The following RALGAPA1 variants were observed in gnomAD, a reference collection of about 807,000 sequenced individuals.
RALGAPA1 encodes ral GTPase-activating protein subunit alpha-1.
Under a neutral mutation model 269.6 loss-of-function variants are expected in RALGAPA1, and 52 were observed. The ratio of observed to expected loss-of-function variants is 0.19; its 90% CI spans 0.15 to 0.24. RALGAPA1 has a LOEUF of 0.24. RALGAPA1 is among the 10% of genes least tolerant of loss of function. RALGAPA1 has a pLI of 1.00. For missense variants in RALGAPA1, 1,917 were observed against 3,013.9 expected, an observed-to-expected ratio of 0.64 and a Z score of 8.52; for synonymous variants, 817 against 1,008.3, an observed-to-expected ratio of 0.81 and a Z score of 3.60.
intron 33 of RALGAPA1, among the ~76,000 whole-genome samples, chr14:35,632,392 A>AGACATTTGTTTAATTTGTTTAATTTG (rs2061410730): frequency 6.6e-6 from 1 of 152,182 alleles, no homozygotes; most frequent in South Asian, 2.1e-4. Flanking sequence ...GTCTCTTCAG[A>AGACATTTGTTTAATTTGTTTAATTTG]TTGTCAGATT....
intron 1 of RALGAPA1, among the ~76,000 whole-genome samples, chr14:35,801,244 G>GACACACACACACACAC (rs201700521): frequency 7.4e-6 from 1 of 135,016 alleles, no homozygotes; most frequent in African/African-American, 2.6e-5. Flanking sequence ...TATATACACA[G>GACACACACACACACAC]ACACACACAC....
intron 16 of RALGAPA1, among the ~76,000 whole-genome samples, chr14:35,713,833 C>T (rs946524980): frequency 1.3e-5 from 2 of 152,090 alleles, no homozygotes; most frequent in South Asian, 2.1e-4. Context: ...CGGTGGCTCA[C>T]GCTTATAATC....
intron 19 of RALGAPA1, among the ~76,000 whole-genome samples, chr14:35,685,375 T>TA (rs1216943465): frequency 2.6e-5 from 4 of 152,072 alleles, no homozygotes; most frequent in Non-Finnish European, 5.9e-5. Context: ...CTGTGACTCT[T>TA]AAGCCTCAGC....
intron 39 of RALGAPA1, among the ~76,000 whole-genome samples, chr14:35,550,667 G>A (rs2054913363): frequency 6.6e-6 from 1 of 152,140 alleles, no homozygotes; most frequent in Admixed American, 6.5e-5. Flanking sequence ...GACTTTGATT[G>A]TGGTAACTTT....
At chr14:35,724,305 GA>G (rs755799235) in intron 14 of RALGAPA1, among the ~76,000 whole-genome samples, 17 of 151,794 alleles carry the variant, frequency 1.1e-4, no homozygotes, top group Non-Finnish European at 1.9e-4. Flanking sequence ...GCTAATATAT[GA>G]AAAAAAACTC....
At chr14:35,613,680 G>A (rs1234395456) in intron 35 of RALGAPA1, among the ~76,000 whole-genome samples, 3 of 152,054 alleles carry the variant, frequency 2.0e-5, no homozygotes, top group South Asian at 2.1e-4. Flanking sequence ...CATCTTTCCC[G>A]TGTATGCAGA....
In RALGAPA1 at chr14:35,738,558, T is replaced by C; in HGVS notation, c.1542A>G (p.Glu514=). Residue 514 remains glutamate (E), a synonymous_variant, in exon 12 of 42, where the codon GAA becomes GAG. Transcript: ENST00000680220. The part of the protein sequence containing the change: ...YQGALHNASE[E]ATEQNIRAGT... ...CAGCTCGTATGTTTTGTTCTGTGGC[T>C]TCTTCAGAGGCGTTATGAAGAGCAC... 1 of 1,613,096 alleles carries C rather than the reference T, an allele frequency of 6.2e-7. No individual in the cohort carries two copies. The highest frequency in any genetic ancestry group is 8.5e-7 in the Non-Finnish European group (1 of 1,179,690).
At chr14:35,679,993 T>C (rs1365596898) in intron 21 of RALGAPA1, among the ~76,000 whole-genome samples, 1 of 152,168 alleles carries the variant, frequency 6.6e-6, no homozygotes, top group Non-Finnish European at 1.5e-5. Context: ...TAAAGGACAG[T>C]TACAGAAACT....
intron 37 of RALGAPA1, among the ~76,000 whole-genome samples, chr14:35,573,445 T>G (rs567777599): frequency 7.9e-5 from 12 of 152,294 alleles, no homozygotes; most frequent in Non-Finnish European, 1.2e-4. Context: ...GAGTTGACTT[T>G]TAGTGCAGAT....
chr14:35,595,541 TG>T, intron 37 of RALGAPA1, 92 bp downstream of exon 37: 2 of 1,145,744 alleles, frequency 1.7e-6, no homozygotes, highest in East Asian at 4.7e-5. Flanking sequence ...CCAGAAACAG[TG>T]CTTGATCAAT....
chr14:35,787,610 T>G (rs1243529763), intron 1 of RALGAPA1, among the ~76,000 whole-genome samples: 2 of 152,174 alleles, frequency 1.3e-5, no homozygotes, highest in Non-Finnish European at 2.9e-5. Context: ...GCTTAAATAA[T>G]TTTCTAATTT....
chr14:35,745,562 G>A (rs1454967604), intron 10 of RALGAPA1, among the ~76,000 whole-genome samples: 1 of 150,554 alleles, frequency 6.6e-6, no homozygotes, highest in African/African-American at 2.4e-5. Context: ...TCAGGAGTTC[G>A]AGACCAGCCT....
intron 17 of RALGAPA1, among the ~76,000 whole-genome samples, chr14:35,699,346 T>C (rs1366331540): frequency 6.6e-6 from 1 of 152,162 alleles, no homozygotes; most frequent in Non-Finnish European, 1.5e-5. Context: ...AAAAGGTCAC[T>C]GGGAAACTTT....
intron 28 of RALGAPA1, among the ~76,000 whole-genome samples, chr14:35,658,450 G>T (rs2063338659): frequency 6.6e-6 from 1 of 151,966 alleles, no homozygotes. Flanking sequence ...TAGATCTGAG[G>T]AGTAGTAGCA....
chr14:35,674,100 T>A (rs955474120), intron 24 of RALGAPA1, 80 bp downstream of exon 24: 1 of 1,118,168 alleles, frequency 8.9e-7, no homozygotes, highest in African/African-American at 1.6e-5. Flanking sequence ...GAAGTCTATA[T>A]AATAGCCAAA....
chr14:35,546,874 G>A (rs1372238155), intron 41 of RALGAPA1, among the ~76,000 whole-genome samples: 1 of 151,978 alleles, frequency 6.6e-6, no homozygotes, highest in African/African-American at 2.4e-5. Flanking sequence ...GTTAAGATTT[G>A]AGATAACTGG....
chr14:35,739,438 T>C lies in RALGAPA1; in HGVS notation c.1450-788A>G, dbSNP rs575607039. Reference sequence around the variant, plus strand: ...GTCTAGTCTAGCCTTTCTCTTAAGCTCCATGTCCCTGTAATCAAGTGTCTT... The same window carrying C: ...GTCTAGTCTAGCCTTTCTCTTAAGCCCCATGTCCCTGTAATCAAGTGTCTT... On this transcript the variant is annotated intron_variant, in intron 11 of 41. Coordinates refer to ENST00000680220, the MANE Select transcript of RALGAPA1 (RefSeq NM_001346249.2). Among the ~76,000 whole-genome samples the C allele has an allele frequency of 2.6e-3, 395 of 152,240 alleles. 1 individual carries two copies. The highest frequency in any genetic ancestry group is 9.0e-3 in the African/African-American group (375 of 41,540).
intron 1 of RALGAPA1, among the ~76,000 whole-genome samples, chr14:35,776,338 G>A (rs112173807): frequency 2.6e-4 from 39 of 151,478 alleles, no homozygotes; most frequent in African/African-American, 8.5e-4. Context: ...CCAAGATTGC[G>A]CCACTGCACT....
chr14:35,749,117 T>C (rs1187588607), intron 9 of RALGAPA1, among the ~76,000 whole-genome samples: 3 of 152,174 alleles, frequency 2.0e-5, no homozygotes, highest in Non-Finnish European at 4.4e-5. Context: ...AAACAAGTTA[T>C]TAATCAAAGC....
Sources: allele counts gnomAD v4.1 joint callset (sites outside exome capture counted in the v4.1 genomes callset), GRCh38; gene constraint gnomAD v4.1.1; transcripts MANE v1.5; gene names NCBI Gene and HGNC (gene_info 2026-07-23, HGNC 2026-07-21).